Variants in FBLIM1 observed in about 807,000 individuals in gnomAD.
FBLIM1 encodes the protein filamin binding LIM protein 1.
In FBLIM1, 29 loss-of-function variants were observed where a neutral mutation model predicts 37.4. The ratio of observed to expected loss-of-function variants is 0.77; its 90% confidence interval spans 0.58 to 1.06. The LOEUF (loss-of-function observed/expected upper bound fraction) is 1.06, where lower values mean the gene tolerates loss of function less well. Ranked by LOEUF, FBLIM1 falls within the 50% of genes least tolerant of loss-of-function variation. FBLIM1 has a pLI of 0.00. For missense variants in FBLIM1, 449 were observed against 505.6 expected (o/e 0.89, Z 1.07); for synonymous variants, 193 against 199.0 (o/e 0.97, Z 0.25).
At chr1:15,769,544 C>T (rs1332424509) in intron 5 of FBLIM1, among the ~76,000 whole-genome samples, 2 of 152,138 alleles carry the variant, frequency 1.3e-5, no homozygotes, top group East Asian at 1.9e-4. Context: ...GTGGTTCATG[C>T]CTGTAATCCC....
At chr1:15,761,582 G>C (rs1226959106) in intron 1 of FBLIM1, among the ~76,000 whole-genome samples, 1 of 152,176 alleles carries the variant, frequency 6.6e-6, no homozygotes, top group Non-Finnish European at 1.5e-5. Context: ...TTATAACAAA[G>C]TGTAAAACTA....
At chr1:15,781,001 C>T (rs7514396) in intron 8 of FBLIM1, among the ~76,000 whole-genome samples, 2,448 of 152,166 alleles carry the variant, frequency 0.016, 66 homozygotes, top group African/African-American at 0.057. Context: ...TAAACCCCCC[C>T]GGTAGTCCTT....
rs1411390255 is a variant in FBLIM1 at position 15,765,078 on chromosome 1, A to G, written c.95A>G (p.Gln32Arg). Reference protein sequence around the residue: ...RDVAVAEEVRQAVCEARRGRP... With the variant: ...RDVAVAEEVRRAVCEARRGRP... Reference sequence around the variant, plus strand: ...GTGGCCGTGGCGGAGGAAGTGAGGCAGGCAGTTTGTGAGGCCCGGCGTGGC... The same window carrying G: ...GTGGCCGTGGCGGAGGAAGTGAGGCGGGCAGTTTGTGAGGCCCGGCGTGGC... Residue 32 changes from glutamine to arginine, a missense_variant, in exon 3 of 9, where the codon CAG becomes CGG. Coordinates refer to ENST00000375766, the MANE Select transcript of FBLIM1 (RefSeq NM_017556.4). This position sits in a 1 kb window ranked among gnomAD's most constrained non-coding sequence, Gnocchi z 5.9. The G allele has an allele frequency of 1.5e-5, 25 of 1,614,060 alleles. No individual in the cohort carries two copies. The highest frequency in any genetic ancestry group is 1.8e-5 in the Non-Finnish European group (21 of 1,179,972).
Position 15,774,828 on chromosome 1 carries a change from G to T in FBLIM1, c.890+32G>T, listed in dbSNP as rs72880708. The T allele has an allele frequency of 1.2e-3, 1,941 of 1,613,988 alleles. 20 individuals are homozygous for T. In the African/African-American group the frequency reaches 0.023, roughly 19 times the overall value. ...GAAGGGTTTGTGCACTGGGTGGGGT[G>T]CAGGGACAGGGCGAGACCCAAGCAG... On this transcript the variant is annotated intron_variant, in intron 7 of 8. Transcript: ENST00000375766.
intron 5 of FBLIM1, among the ~76,000 whole-genome samples, chr1:15,770,081 G>C (rs1042543609): frequency 2.0e-5 from 3 of 151,832 alleles, no homozygotes; most frequent in Admixed American, 2.0e-4. Flanking sequence ...TGAGTAGCTG[G>C]GACTACGGGG....
Position 15,777,281 on chromosome 1 carries a change from G to T in FBLIM1, c.1002G>T (p.Arg334Ser), listed in dbSNP as rs2069521408. 6.2e-7 allele frequency: 1 copy of T among 1,610,908 alleles called. No homozygotes were observed. The highest frequency in any genetic ancestry group is 8.5e-7 in the Non-Finnish European group (1 of 1,177,328). ...GAAACTTCCATGAAAATTGCTACAG[G>T]TGTGAGGTGAGTGGAGCCTAGGTGG... ...MGRNFHENCYRCEDCRILLSV... is the reference protein window; with the variant it reads ...MGRNFHENCYSCEDCRILLSV... Residue 334 changes from arginine to serine, a missense_variant, in exon 8 of 9, where the codon AGG becomes AGT. Coordinates refer to ENST00000375766, the MANE Select transcript of FBLIM1 (RefSeq NM_017556.4).
rs1274748754 is a variant in FBLIM1 at position 15,784,924 on chromosome 1, A to G, written c.*263A>G. 2 of 362,564 alleles carry G rather than the reference A, an allele frequency of 5.5e-6. No individual in the cohort carries two copies. Among genetic ancestry groups the G allele is most frequent in the Non-Finnish European group, 1.0e-5 (2 of 196,848 alleles). 22.5% of individuals were successfully genotyped at this position (362,564 alleles called of 1,614,324 possible). ...TGCTGACCCTGCCCCACTTCCAGGG[A>G]AAAGCTGGGGGAGGTTGGACCCCTC... On this transcript the variant is annotated 3_prime_UTR_variant, in exon 9 of 9. Coordinates refer to ENST00000375766, the MANE Select transcript of FBLIM1 (RefSeq NM_017556.4).
Position 15,765,426 on chromosome 1 carries a change from G to A in FBLIM1, c.250+193G>A, listed in dbSNP as rs1051731115. On this transcript the variant is annotated intron_variant, in intron 3 of 8. Transcript: ENST00000375766. The surrounding 1 kb of genome is among the most constrained non-coding windows in gnomAD (Gnocchi z 5.9). ...ATAGAGGCTAGATGTCAGAATTTCC[G>A]GGACATTTTCATGGGTTATTGGGAT... is the stretch of plus-strand genomic sequence containing the variant. Among the ~76,000 whole-genome samples the A allele has an allele frequency of 2.0e-5, 3 of 152,094 alleles. No homozygotes were observed. Among genetic ancestry groups the A allele is most frequent in the Non-Finnish European group, 2.9e-5 (2 of 68,018 alleles).
chr1:15,768,774 C>T (rs1399723267), intron 5 of FBLIM1, 144 bp downstream of exon 5: 11 of 509,866 alleles, frequency 2.2e-5, no homozygotes, highest in African/African-American at 4.0e-5. Context: ...AGTTCGGCAT[C>T]CATTTAATTT....
In FBLIM1 at chr1:15,766,654, G is replaced by A. The variant is rs574143396; in HGVS notation, c.251-722G>A. ...TTGTTGCCCGGGCTGGAGTGCAGTG[G>A]CGCAATCTCAGCTCACTGCAACCTC... On this transcript the variant is annotated intron_variant, in intron 3 of 8. Transcript: ENST00000375766. 1.7e-3 allele frequency among the ~76,000 whole-genome samples: 253 copies of A among 150,192 alleles called. 1 individual carries two copies. The highest frequency in any genetic ancestry group is 5.8e-3 in the African/African-American group (237 of 40,706).
chr1:15,764,728 G>A (rs2068833540), intron 2 of FBLIM1, 43 bp downstream of exon 2: 1 of 541,474 alleles, frequency 1.8e-6, no homozygotes, highest in Non-Finnish European at 3.3e-6. Context: ...AGGTTCGGGG[G>A]AGGGGCAGTC....
Position 15,784,680 on chromosome 1 carries a change from GA to G in FBLIM1, c.*21del, listed in dbSNP as rs753082392. The G allele has an allele frequency of 6.2e-7, 1 of 1,606,724 alleles. No individual in the cohort carries two copies. Among genetic ancestry groups the G allele is most frequent in the Non-Finnish European group, 8.5e-7 (1 of 1,174,030 alleles). On this transcript the variant is annotated 3_prime_UTR_variant, in exon 9 of 9. Coordinates refer to ENST00000375766, the MANE Select transcript of FBLIM1 (RefSeq NM_017556.4). ...CTGCTGAGAGTGCCCGCTGGGCAGT[GA>G]ACAGACCACTAGCCCCGGCTGGGGC... is the stretch of plus-strand genomic sequence containing the variant.
At position 15,760,916 on chromosome 1, in the gene FBLIM1, G is replaced by A. The variant is rs188900603; in HGVS notation, c.-211+2068G>A. Among the ~76,000 whole-genome samples, 13 of 152,224 alleles carry A rather than the reference G, an allele frequency of 8.5e-5. No individual in the cohort carries two copies. In the East Asian group the frequency reaches 2.1e-3, roughly 25 times the overall value. ...CCAGCTGAATCGGTGGCAGTGGGAC[G>A]GGAGGGAAGCCGGGGCTCCCTCTCC... On this transcript the variant is annotated intron_variant, in intron 1 of 8. Transcript: ENST00000375766.
chr1:15,760,550 A>G (rs2068623432), intron 1 of FBLIM1, among the ~76,000 whole-genome samples: 2 of 149,912 alleles, frequency 1.3e-5, no homozygotes, highest in Admixed American at 1.3e-4. Flanking sequence ...AAAAAAAAAA[A>G]AAGAACAGAG....
intron 6 of FBLIM1, 32 bp from the exon 7 acceptor site, chr1:15,774,586 G>A (rs1284543292): frequency 1.3e-5 from 20 of 1,587,218 alleles, no homozygotes; most frequent in Middle Eastern, 1.7e-4. Context: ...TGGGTGTGTC[G>A]TGGATGGTTC....
At chr1:15,767,145 G>A (rs1451277943) in intron 3 of FBLIM1, among the ~76,000 whole-genome samples, 2 of 151,366 alleles carry the variant, frequency 1.3e-5, no homozygotes, top group Non-Finnish European at 3.0e-5. Flanking sequence ...TGCCTACCTC[G>A]GCCTCCCAAA....
intron 4 of FBLIM1, among the ~76,000 whole-genome samples, chr1:15,768,251 G>C (rs1192986358): frequency 6.6e-6 from 1 of 151,478 alleles, no homozygotes; most frequent in African/African-American, 2.4e-5. Context: ...CACAGGCCAA[G>C]GGCTTAGTCC....
intron 6 of FBLIM1, among the ~76,000 whole-genome samples, chr1:15,771,462 G>A (rs2069208400): frequency 6.6e-6 from 1 of 151,766 alleles, no homozygotes; most frequent in African/African-American, 2.4e-5. Context: ...GGCCAGGCTG[G>A]TCTCAAACTC....
Position 15,767,473 on chromosome 1 carries a change from T to C in FBLIM1, c.348T>C (p.Pro116=). ...PPPPPPPVLL[P]SEEEAPAPMG... is the part of the protein sequence containing the mutation. ...CACCGCCCCCTCCAGTGCTTCTGCCTTCTGAAGAGGAGGCTCCTGCTCCAA... is the reference window on the plus strand; with the variant it reads ...CACCGCCCCCTCCAGTGCTTCTGCCCTCTGAAGAGGAGGCTCCTGCTCCAA... Residue 116 remains proline, a synonymous_variant, in exon 4 of 9, where the codon CCT becomes CCC. Transcript: ENST00000375766. The C allele has an allele frequency of 7.7e-7, 1 of 1,304,910 alleles. No individual in the cohort carries two copies. The highest frequency in any genetic ancestry group is 9.9e-7 in the Non-Finnish European group (1 of 1,005,864). The allele number at this position is 1,304,910 out of a possible 1,614,324, so 80.8% of individuals were successfully genotyped here.
Sources: gnomAD v4.1 joint callset for allele counts (sites outside exome capture counted in the v4.1 genomes callset) on GRCh38, gnomAD v4.1.1 for gene constraint, Gnocchi (gnomAD v3.1) non-coding constraint, MANE v1.5 for transcripts, NCBI Gene and HGNC (gene_info 2026-07-23, HGNC 2026-07-21) for gene names.